PIK3R5: variants seen among roughly 807,000 people sequenced by gnomAD.
PIK3R5 encodes the protein phosphoinositide-3-kinase regulatory subunit 5.
A neutral mutation model predicts 94.9 loss-of-function variants in PIK3R5; 32 were observed. The ratio of observed to expected loss-of-function variants is 0.34; its 90% CI spans 0.25 to 0.45. The LOEUF (loss-of-function observed/expected upper bound fraction) is 0.45. Among genes scored for constraint, PIK3R5 ranks in the 20% least tolerant of loss-of-function variants. The probability of loss-of-function intolerance (pLI) is 1.00; values close to 1 mark genes in which losing one functional copy is unlikely to be tolerated. For synonymous variants in PIK3R5, 443 were observed against 479.4 expected (o/e 0.92, Z 0.99); for missense variants, 853 against 1,144.6 (o/e 0.75, Z 3.68).
At position 8,911,993 on chromosome 17, in the gene PIK3R5, G is replaced by C. The variant is rs953368301; in HGVS notation, c.-13-486C>G. 1 of 152,516 alleles carries C rather than the reference G, an allele frequency of 6.6e-6. No homozygotes were observed. The highest frequency in any genetic ancestry group is 2.4e-5 in the African/African-American group (1 of 41,432). 9.4% of individuals were successfully genotyped at this position (152,516 alleles called of 1,614,324 possible). On this transcript the variant is annotated intron_variant, in intron 1 of 18. Transcript: ENST00000447110. The surrounding 1 kb of genome is among the most constrained non-coding windows in gnomAD (Gnocchi z 5.3). Reference sequence around the variant, plus strand: ...AGCAACTCCCTCAATATGCTTGGAGGGAGCTCCCTCTGATTGGGTGCCCAG... The same window carrying C: ...AGCAACTCCCTCAATATGCTTGGAGCGAGCTCCCTCTGATTGGGTGCCCAG...
chr17:8,946,370 G>T (rs186902195), intron 1 of PIK3R5, among the ~76,000 whole-genome samples: 11 of 151,822 alleles, frequency 7.2e-5, no homozygotes, highest in Non-Finnish European at 1.5e-4. Flanking sequence ...CATCCACCAG[G>T]CACCTAAGAA....
intron 1 of PIK3R5, among the ~76,000 whole-genome samples, chr17:8,923,773 A>G (rs1315284331): frequency 6.6e-6 from 1 of 152,182 alleles, no homozygotes; most frequent in African/African-American, 2.4e-5. Flanking sequence ...ATGAATGTAA[A>G]TGTAAAAACT....
At chr17:8,924,432 A>G (rs1413199568) in intron 1 of PIK3R5, among the ~76,000 whole-genome samples, 1 of 152,094 alleles carries the variant, frequency 6.6e-6, no homozygotes, top group African/African-American at 2.4e-5. Context: ...TAAGACAGAT[A>G]TGAATATTTC....
chr17:8,887,025 C>T, intron 12 of PIK3R5, 71 bp downstream of exon 12: 1 of 1,582,290 alleles, frequency 6.3e-7, no homozygotes, highest in Non-Finnish European at 8.6e-7. Flanking sequence ...TTCCCTAAAT[C>T]CAGGGCCTTC....
At chr17:8,944,659 C>T (rs1392957221) in intron 1 of PIK3R5, among the ~76,000 whole-genome samples, 4 of 152,156 alleles carry the variant, frequency 2.6e-5, no homozygotes, top group Non-Finnish European at 5.9e-5. Flanking sequence ...CTCCTATATC[C>T]ATCTTTACTC....
intron 3 of PIK3R5, among the ~76,000 whole-genome samples, chr17:8,907,803 G>C (rs61759579): frequency 0.059 from 8,933 of 151,924 alleles, 832 homozygotes; most frequent in African/African-American, 0.2. Flanking sequence ...CAACTGGCTA[G>C]TTTTTGTATT....
chr17:8,954,972 G>A (rs986742249), intron 1 of PIK3R5, among the ~76,000 whole-genome samples: 2 of 151,950 alleles, frequency 1.3e-5, no homozygotes, highest in Admixed American at 6.6e-5. Context: ...CCCAAGCAGA[G>A]GGTTCTCAGC....
rs759579774 is a variant in PIK3R5, at chr17:8,879,880, A to G, written c.*759T>C. On this transcript the variant is annotated 3_prime_UTR_variant, in exon 19 of 19. Coordinates refer to ENST00000447110, the MANE Select transcript of PIK3R5 (RefSeq NM_001142633.3). The surrounding 1 kb of genome is among the most constrained non-coding windows in gnomAD (Gnocchi z 4.4). ...ACTCCATTTTAGTGCTGGAGAAATGAAGGCTTAAAGTTAATTAACTTCCTC... is the reference window on the plus strand; with the variant it reads ...ACTCCATTTTAGTGCTGGAGAAATGGAGGCTTAAAGTTAATTAACTTCCTC... The G allele has an allele frequency of 2.0e-5, 3 of 152,204 alleles. No individual in the cohort carries two copies. Among genetic ancestry groups the G allele is most frequent in the Non-Finnish European group, 4.4e-5 (3 of 68,032 alleles). 9.4% of individuals were successfully genotyped at this position (152,204 alleles called of 1,614,324 possible).
At chr17:8,954,618 A>C (rs533450816) in intron 1 of PIK3R5, among the ~76,000 whole-genome samples, 2 of 152,238 alleles carry the variant, frequency 1.3e-5, no homozygotes, top group African/African-American at 4.8e-5. Context: ...GCTCATCTTA[A>C]ATCTGACTAA....
chr17:8,905,831 CTTTTTTT>C, intron 3 of PIK3R5, 94 bp from the exon 4 acceptor site: 1 of 381,344 alleles, frequency 2.6e-6, no homozygotes. Context: ...TCTAGCCTTT[CTTTTTTT>C]TTTTTTTTTA....
Position 8,890,872 on chromosome 17 carries a change from A to G in PIK3R5, c.523T>C (p.Phe175Leu). 1 of 1,613,804 alleles carries G rather than the reference A, an allele frequency of 6.2e-7. No individual in the cohort carries two copies. The highest frequency in any genetic ancestry group is 1.1e-5 in the South Asian group (1 of 90,972). ...CTCAGCTTATTGGCTACAGCAAGGA[A>G]CTCGGCCTGCACTTCCACTGGGTTC... ...LLNPVEVQAE[F>L]LAVANKLSTP... The change falls in exon 7 of 19, where the codon TTC (phenylalanine) becomes CTC (leucine). Residue 175 changes from phenylalanine (F) to leucine (L), a missense_variant. This residue lies in a region of PIK3R5 where 161 missense variants were observed against 249.5 expected (regional missense o/e 0.65). Transcript: ENST00000447110. The surrounding 1 kb of genome is among the most constrained non-coding windows in gnomAD (Gnocchi z 6.1).
chr17:8,939,376 TG>T (rs1225217385), intron 1 of PIK3R5, among the ~76,000 whole-genome samples: 1 of 152,166 alleles, frequency 6.6e-6, no homozygotes, highest in African/African-American at 2.4e-5. Flanking sequence ...TTTAAATGCA[TG>T]AAATAAAATA....
At chr17:8,940,160 T>C (rs546326932) in intron 1 of PIK3R5, among the ~76,000 whole-genome samples, 33 of 152,244 alleles carry the variant, frequency 2.2e-4, no homozygotes, top group Non-Finnish European at 3.4e-4. Flanking sequence ...GCCTCCTGCA[T>C]TGATGAAAAC....
At chr17:8,910,420 C>A (rs538438014) in intron 2 of PIK3R5, among the ~76,000 whole-genome samples, 17 of 152,262 alleles carry the variant, frequency 1.1e-4, no homozygotes, top group Admixed American at 9.2e-4. Flanking sequence ...AGAAAACTAC[C>A]ATTTATTGAC....
intron 3 of PIK3R5, among the ~76,000 whole-genome samples, chr17:8,907,844 C>T (rs540031550): frequency 1.3e-5 from 2 of 152,184 alleles, no homozygotes; most frequent in African/African-American, 4.8e-5. Flanking sequence ...TGCTATGTTG[C>T]CCAGGCTGGT....
In PIK3R5 at chr17:8,890,832, G is replaced by A. The variant is rs377183085; in HGVS notation, c.563C>T (p.Ser188Leu). The stretch of plus-strand genomic sequence containing the variant: ...CAGGGTGGTGTAGGCACTGTGAGGC[G>A]AGTGTCCGGGCGTACTCAGCTTATT... ...VANKLSTPGH[S>L]PHSAYTTLLL... The change falls in exon 7 of 19, where the codon TCG becomes TTG. Residue 188 changes from serine to leucine, a missense_variant. By Grantham distance (145) the Ser-to-Leu change is moderately radical (BLOSUM62 -2). Around this residue, in one of 6 missense-constraint regions of PIK3R5, gnomAD observed 161 missense variants for 249.5 expected, o/e 0.65. Transcript: ENST00000447110. The surrounding 1 kb of genome is among the most constrained non-coding windows in gnomAD (Gnocchi z 6.1). The A allele has an allele frequency of 1.9e-6, 3 of 1,613,440 alleles. No homozygotes were observed. Among genetic ancestry groups the A allele is most frequent in the South Asian group, 1.1e-5 (1 of 90,882 alleles).
chr17:8,953,613 A>C (rs1033789584), intron 1 of PIK3R5, among the ~76,000 whole-genome samples: 4 of 152,154 alleles, frequency 2.6e-5, no homozygotes, highest in Admixed American at 2.6e-4. Flanking sequence ...TCACCACTAA[A>C]AACAACCTCA....
chr17:8,884,623 G>T lies in PIK3R5; in HGVS notation c.2205+84C>A. 1 of 1,075,888 alleles carries T rather than the reference G, an allele frequency of 9.3e-7. No homozygotes were observed. Among genetic ancestry groups the T allele is most frequent in the Non-Finnish European group, 1.4e-6 (1 of 706,452 alleles). The allele number at this position is 1,075,888 out of a possible 1,614,324, so 66.6% of individuals were successfully genotyped here. ...TAAAGACTGGGGCCCAGGAACACAC[G>T]AGTCCAGCTCTGGGTCCAAGCTCTG... On this transcript the variant is annotated intron_variant, in intron 15 of 18. Coordinates refer to ENST00000447110, the MANE Select transcript of PIK3R5 (RefSeq NM_001142633.3). This position sits in a 1 kb window ranked among gnomAD's most constrained non-coding sequence, Gnocchi z 5.8.
chr17:8,903,039 T>G (rs1302930999), intron 5 of PIK3R5, among the ~76,000 whole-genome samples: 4 of 152,108 alleles, frequency 2.6e-5, no homozygotes, highest in Non-Finnish European at 4.4e-5. Context: ...GAGATGGGGT[T>G]TCACCATATT....
Sources: gnomAD v4.1 joint callset for allele counts (sites outside exome capture counted in the v4.1 genomes callset) on GRCh38, gnomAD v4.1.1 for gene constraint, gnomAD v4.1.1 regional missense constraint, Gnocchi (gnomAD v3.1) non-coding constraint, MANE v1.5 for transcripts, NCBI Gene and HGNC (gene_info 2026-07-23, HGNC 2026-07-21) for gene names.